Variants in DOT1L observed in about 807,000 individuals in gnomAD.
The protein encoded by DOT1L is DOT1 like histone lysine methyltransferase.
A neutral mutation model predicts 153.3 loss-of-function variants in DOT1L; 33 were observed. The observed-to-expected ratio is 0.22, with a 90% confidence interval of 0.16 to 0.29. DOT1L has a LOEUF of 0.29. Among genes scored for constraint, DOT1L ranks in the 10% least tolerant of loss-of-function variants. The pLI, the probability that DOT1L is intolerant of heterozygous loss-of-function variation, is 1.00. For synonymous variants in DOT1L, 1,135 were observed against 965.1 expected, an observed-to-expected ratio of 1.18 and a Z score of -3.26; for missense variants, 1,847 against 2,119.9, an observed-to-expected ratio of 0.87 and a Z score of 2.53.
intron 25 of DOT1L, among the ~76,000 whole-genome samples, chr19:2,224,824 C>T (rs962241800): frequency 6.6e-6 from 1 of 152,208 alleles, no homozygotes; most frequent in Non-Finnish European, 1.5e-5. Context: ...ACGTGTTACA[C>T]GAGAAACATT....
Position 2,217,707 on chromosome 19 carries a change from C to T in DOT1L, c.2545-65C>T, listed in dbSNP as rs1387244428. On this transcript the variant is annotated intron_variant, in intron 21 of 27. Transcript: ENST00000398665. This position sits in a 1 kb window ranked among gnomAD's most constrained non-coding sequence, Gnocchi z 7.3. Reference sequence around the variant, plus strand: ...GCTGTAGCAGGCCCCCGTCCTGTGGCTGTGGTCCCTGTGTCCTGGAGGGGT... The same window carrying T: ...GCTGTAGCAGGCCCCCGTCCTGTGGTTGTGGTCCCTGTGTCCTGGAGGGGT... The T allele has an allele frequency of 3.2e-6, 5 of 1,545,960 alleles. No individual in the cohort carries two copies. The highest frequency in any genetic ancestry group is 2.7e-5 in the African/African-American group (2 of 73,082).
chr19:2,196,229 G>C (rs989998832), intron 7 of DOT1L, among the ~76,000 whole-genome samples: 1 of 152,384 alleles, frequency 6.6e-6, no homozygotes, highest in Admixed American at 6.5e-5. Flanking sequence ...CCCCGACCGG[G>C]GTCAGGAGCC....
At chr19:2,168,892 G>A (rs542912853) in intron 1 of DOT1L, among the ~76,000 whole-genome samples, 4 of 152,330 alleles carry the variant, frequency 2.6e-5, no homozygotes, top group African/African-American at 9.6e-5. Context: ...AGGATTACAG[G>A]CATGAGCCAC....
Position 2,207,547 on chromosome 19 carries a change from C to T in DOT1L, c.857-27C>T, listed in dbSNP as rs1419823917. 17 of 1,592,996 alleles carry T rather than the reference C, an allele frequency of 1.1e-5. No individual in the cohort carries two copies. The highest frequency in any genetic ancestry group is 1.7e-5 in the Admixed American group (1 of 58,980). ...TGGAGGGGCTGTGGGCAGGCGCAGGCCCCGGCCTCACCTGTGGCTCCTGCA... is the reference window on the plus strand; with the variant it reads ...TGGAGGGGCTGTGGGCAGGCGCAGGTCCCGGCCTCACCTGTGGCTCCTGCA... On this transcript the variant is annotated intron_variant, in intron 10 of 27. Coordinates refer to ENST00000398665, the MANE Select transcript of DOT1L (RefSeq NM_032482.3). This position sits in a 1 kb window ranked among gnomAD's most constrained non-coding sequence, Gnocchi z 4.5.
intron 19 of DOT1L, chr19:2,215,398 G>A (rs1326522428): frequency 2.6e-5 from 4 of 152,270 alleles, no homozygotes; most frequent in Non-Finnish European, 2.9e-5. Context: ...GGTGCTGGTG[G>A]GCGGTGCCCA....
In DOT1L at chr19:2,197,441, G is replaced by A. The variant is rs1487735694; in HGVS notation, c.652-2443G>A. On this transcript the variant is annotated intron_variant, in intron 7 of 27. Transcript: ENST00000398665. The surrounding 1 kb of genome is among the most constrained non-coding windows in gnomAD (Gnocchi z 4.1). ...GGCGCCATGGTGCCTTCCTCCGCGCGGTCTGGCTGGGCTGAGCCTTGCTCA... is the reference window on the plus strand; with the variant it reads ...GGCGCCATGGTGCCTTCCTCCGCGCAGTCTGGCTGGGCTGAGCCTTGCTCA... Among the ~76,000 whole-genome samples the A allele has an allele frequency of 3.3e-5, 5 of 152,202 alleles. No homozygotes were observed. Among genetic ancestry groups the A allele is most frequent in the Admixed American group, 6.5e-5 (1 of 15,280 alleles).
Position 2,230,150 on chromosome 19 carries a change from G to A in DOT1L, c.*358G>A, listed in dbSNP as rs2024535627. On this transcript the variant is annotated 3_prime_UTR_variant, in exon 28 of 28. Transcript: ENST00000398665. Reference sequence around the variant, plus strand: ...CGGGCCCGCCAGCGGATTCGCCACAGCCTGCCCCGGTGCTATCTCGTCCCC... The same window carrying A: ...CGGGCCCGCCAGCGGATTCGCCACAACCTGCCCCGGTGCTATCTCGTCCCC... 2.0e-6 allele frequency: 1 copy of A among 510,734 alleles called. No individual in the cohort carries two copies. The highest frequency in any genetic ancestry group is 3.4e-6 in the Non-Finnish European group (1 of 292,608). The allele number at this position is 510,734 out of a possible 1,614,324, so 31.6% of individuals were successfully genotyped here. A position where few individuals can be genotyped will look rare whatever the true frequency, so the allele number is the denominator to read the frequency against.
chr19:2,187,978 G>GAAAA (rs1276136726), intron 3 of DOT1L, among the ~76,000 whole-genome samples: 88 of 151,014 alleles, frequency 5.8e-4, no homozygotes, highest in African/African-American at 1.7e-3. Context: ...CTGCTCCTCT[G>GAAAA]GAGCTGCGGG....
Position 2,213,869 on chromosome 19 carries a change from C to G in DOT1L, c.1680C>G (p.Thr560=), listed in dbSNP as rs2023804203. Residue 560 remains threonine (T), a synonymous_variant, in exon 18 of 28, where the codon ACC becomes ACG. Transcript: ENST00000398665. ...CCCAGCTGGGTGTGAAGGCGCTGAC[C>G]TACAACGACCTGATTCAAGCGCAGA... is the stretch of plus-strand genomic sequence containing the variant. The part of the protein sequence containing the change: ...KLDELGVKAL[T]YNDLIQAQKE... The G allele has an allele frequency of 1.2e-6, 2 of 1,613,150 alleles. No homozygotes were observed. Among genetic ancestry groups the G allele is most frequent in the Middle Eastern group, 1.6e-4 (1 of 6,062 alleles).
At position 2,223,413 on chromosome 19, in the gene DOT1L, A is replaced by T. The variant is rs1431618801; in HGVS notation, c.3523A>T (p.Thr1175Ser). Reference sequence around the variant, plus strand: ...CAAGAAGGAGCGGCCTCTGAGCCAGACCAATGGGGCACACTACTCCCCACT... The same window carrying T: ...CAAGAAGGAGCGGCCTCTGAGCCAGTCCAATGGGGCACACTACTCCCCACT... ...VLKKERPLSQ[T>S]NGAHYSPLTS... is the part of the protein sequence containing the mutation. Residue 1175 changes from threonine (T) to serine (S), a missense_variant, in exon 25 of 28, where the codon ACC (threonine) becomes TCC (serine). Thr to Ser is a moderately conservative substitution (Grantham distance 58, BLOSUM62 1). Transcript: ENST00000398665. The T allele has an allele frequency of 6.2e-7, 1 of 1,613,528 alleles. No individual in the cohort carries two copies. The highest frequency in any genetic ancestry group is 8.5e-7 in the Non-Finnish European group (1 of 1,179,932).
chr19:2,169,955 G>A (rs530247577), intron 1 of DOT1L, among the ~76,000 whole-genome samples: 18 of 152,288 alleles, frequency 1.2e-4, no homozygotes, highest in African/African-American at 4.3e-4. Context: ...TCAGGAGTTC[G>A]AGACCAGCTT....
rs951553786 is a variant in DOT1L, at chr19:2,222,693, C to G, written c.3390+134C>G. The G allele has an allele frequency of 2.9e-5, 24 of 814,994 alleles. No individual in the cohort carries two copies. In the South Asian group the frequency reaches 4.5e-4, roughly 15 times the overall value. 50.5% of individuals were successfully genotyped at this position (814,994 alleles called of 1,614,324 possible). A position where few individuals can be genotyped will look rare whatever the true frequency, so the allele number is the denominator to read the frequency against. On this transcript the variant is annotated intron_variant, in intron 24 of 27. Transcript: ENST00000398665. The surrounding 1 kb of genome is among the most constrained non-coding windows in gnomAD (Gnocchi z 6.5). The stretch of plus-strand genomic sequence containing the variant: ...AGGCGGGTGGATCACAAGATCAGGA[C>G]ATCAAGACCATCCTGGCTAACACGG...
At position 2,194,178 on chromosome 19, in the gene DOT1L, G is replaced by A. The variant is rs562238452; in HGVS notation, c.589-337G>A. On this transcript the variant is annotated intron_variant, in intron 6 of 27. Coordinates refer to ENST00000398665, the MANE Select transcript of DOT1L (RefSeq NM_032482.3). Reference sequence around the variant, plus strand: ...GTTTGTTGTTGTTTTTTTTTGTTTTGTTTTGTTTTTGAGACAGAGTCTCGC... The same window carrying A: ...GTTTGTTGTTGTTTTTTTTTGTTTTATTTTGTTTTTGAGACAGAGTCTCGC... Among the ~76,000 whole-genome samples the A allele has an allele frequency of 4.0e-5, 6 of 151,520 alleles. No individual in the cohort carries two copies. In the East Asian group the frequency reaches 1.2e-3, roughly 29 times the overall value.
Position 2,229,785 on chromosome 19 carries a change from G to A in DOT1L, c.4607G>A (p.Gly1536Asp), listed in dbSNP as rs2144962333. 1.9e-6 allele frequency: 3 copies of A among 1,613,346 alleles called. No homozygotes were observed. The highest frequency in any genetic ancestry group is 2.5e-6 in the Non-Finnish European group (3 of 1,179,952). The change falls in exon 28 of 28, where the codon GGT becomes GAT. Residue 1536 changes from glycine to aspartate, a missense_variant and splice_region_variant. Physicochemically the swap from Gly to Asp is moderately conservative, Grantham distance 94. Coordinates refer to ENST00000398665, the MANE Select transcript of DOT1L (RefSeq NM_032482.3). ...FSGVAGGTVG[G>D]N The stretch of plus-strand genomic sequence containing the variant: ...CTCTTCCCGCTGTGCCCTTCTGCAG[G>A]TAACTAGGATTTCTACCTCAACCGC...
At chr19:2,169,651 G>A (rs953921654) in intron 1 of DOT1L, among the ~76,000 whole-genome samples, 7 of 151,988 alleles carry the variant, frequency 4.6e-5, no homozygotes, top group Admixed American at 6.6e-5. Context: ...GAGCCACCAC[G>A]CCCAGCTCTT....
rs374392653 is a variant in DOT1L at position 2,226,279 on chromosome 19, T to G, written c.3758T>G (p.Leu1253Arg). ...STFSPISDIG[L>R]AKSADSPLQA... ...TTCTCGCCCATCTCCGACATCGGCCTGGCCAAGTCGGCGGACAGCCCGCTG... is the reference window on the plus strand; with the variant it reads ...TTCTCGCCCATCTCCGACATCGGCCGGGCCAAGTCGGCGGACAGCCCGCTG... The change falls in exon 27 of 28, where the codon CTG (leucine) becomes CGG (arginine). Residue 1253 changes from leucine (L) to arginine (R), a missense_variant. By Grantham distance (102) the Leu-to-Arg change is moderately radical. Around this residue, in one of 8 missense-constraint regions of DOT1L, gnomAD observed 934 missense variants for 825.3 expected, o/e 1.13. Coordinates refer to ENST00000398665, the MANE Select transcript of DOT1L (RefSeq NM_032482.3). 27 of 1,597,232 alleles carry G rather than the reference T, an allele frequency of 1.7e-5. No homozygotes were observed. Among genetic ancestry groups the G allele is most frequent in the Non-Finnish European group, 2.2e-5 (26 of 1,171,480 alleles).
intron 26 of DOT1L, among the ~76,000 whole-genome samples, chr19:2,225,778 C>A (rs2024304163): frequency 6.6e-6 from 1 of 152,182 alleles, no homozygotes; most frequent in African/African-American, 2.4e-5. Context: ...TGGCCTTCCC[C>A]CCGAGTGGTG....
chr19:2,213,330 G>C (rs2023779269), intron 16 of DOT1L: 1 of 520,142 alleles, frequency 1.9e-6, no homozygotes, highest in East Asian at 3.3e-5. Context: ...CAGCTGGCGA[G>C]AGTTCTTTGC....
At chr19:2,169,170 G>T (rs1386032997) in intron 1 of DOT1L, among the ~76,000 whole-genome samples, 1 of 152,144 alleles carries the variant, frequency 6.6e-6, no homozygotes, top group Admixed American at 6.6e-5. Context: ...GCGGCGGTGA[G>T]TGGGCAGCCA....
Sources: allele counts gnomAD v4.1 joint callset (sites outside exome capture counted in the v4.1 genomes callset), GRCh38; gene constraint gnomAD v4.1.1; regional missense constraint gnomAD v4.1.1; non-coding constraint Gnocchi (gnomAD v3.1); transcripts MANE v1.5; gene names NCBI Gene and HGNC (gene_info 2026-07-23, HGNC 2026-07-21).